PRKAG2: variants seen among roughly 807,000 people sequenced by gnomAD.
PRKAG2 encodes protein kinase AMP-activated non-catalytic subunit gamma 2, also known as 5'-AMP-activated protein kinase subunit gamma-2.
PRKAG2 carries 26 observed loss-of-function variants against 69.6 expected under a neutral mutation model. The observed-to-expected ratio is 0.37, with a 90% confidence interval of 0.27 to 0.52. The LOEUF (loss-of-function observed/expected upper bound fraction) is 0.52. PRKAG2 is among the 20% of genes least tolerant of loss of function. The pLI is 0.90. For synonymous variants in PRKAG2, 293 were observed against 285.0 expected (o/e 1.03, Z -0.28); for missense variants, 557 against 740.0 (o/e 0.75, Z 2.87).
At chr7:151,820,471 G>T (rs2151863430) in intron 1 of PRKAG2, among the ~76,000 whole-genome samples, 1 of 143,270 alleles carries the variant, frequency 7.0e-6, no homozygotes, top group African/African-American at 2.6e-5. Context: ...GCTTCTGCAG[G>T]GCACACTCTA....
Position 151,632,344 on chromosome 7 carries a change from G to A in PRKAG2, c.685-206C>T. 1 of 612,068 alleles carries A rather than the reference G, an allele frequency of 1.6e-6. No homozygotes were observed. Among genetic ancestry groups the A allele is most frequent in the Non-Finnish European group, 2.0e-6 (1 of 491,536 alleles). 37.9% of individuals were successfully genotyped at this position (612,068 alleles called of 1,614,324 possible). A position where few individuals can be genotyped will look rare whatever the true frequency, so the allele number is the denominator to read the frequency against. On this transcript the variant is annotated intron_variant, in intron 4 of 15. Transcript: ENST00000287878. The surrounding 1 kb of genome is among the most constrained non-coding windows in gnomAD (Gnocchi z 4.2). Reference sequence around the variant, plus strand: ...GAGGCCGCCGCCGCCGCCGCAGGTGGCGCGGCCGCGGCCCGCGTGCCCCTC... The same window carrying A: ...GAGGCCGCCGCCGCCGCCGCAGGTGACGCGGCCGCGGCCCGCGTGCCCCTC...
chr7:151,769,524 G>A (rs1052830467), intron 3 of PRKAG2, among the ~76,000 whole-genome samples: 7 of 152,210 alleles, frequency 4.6e-5, no homozygotes, highest in African/African-American at 1.4e-4. Flanking sequence ...GGGTTTGTGG[G>A]CAACTGCCAG....
chr7:151,735,719 G>A (rs183467909), intron 3 of PRKAG2, among the ~76,000 whole-genome samples: 7 of 152,292 alleles, frequency 4.6e-5, no homozygotes, highest in Non-Finnish European at 4.4e-5. Flanking sequence ...GCTCCCCACA[G>A]CAGCACTGCC....
At chr7:151,596,594 CAA>C (rs1814587582) in intron 5 of PRKAG2, among the ~76,000 whole-genome samples, 1 of 151,956 alleles carries the variant, frequency 6.6e-6, no homozygotes, top group African/African-American at 2.4e-5. Context: ...ACTAAAAATA[CAA>C]AAATTAGCTG....
intron 6 of PRKAG2, among the ~76,000 whole-genome samples, chr7:151,589,392 A>T (rs1291656016): frequency 6.6e-6 from 1 of 152,160 alleles, no homozygotes; most frequent in African/African-American, 2.4e-5. Context: ...AACATGGGTC[A>T]CTGAGCCTCA....
At chr7:151,812,312 G>C (rs62478247) in intron 1 of PRKAG2, among the ~76,000 whole-genome samples, 19 of 152,020 alleles carry the variant, frequency 1.2e-4, no homozygotes, top group Non-Finnish European at 1.9e-4. Context: ...TTGTTAGAAG[G>C]GGGTGTGGTG....
chr7:151,565,610 C>T, intron 12 of PRKAG2, 110 bp downstream of exon 12: 1 of 1,451,286 alleles, frequency 6.9e-7, no homozygotes, highest in Non-Finnish European at 9.6e-7. Flanking sequence ...ATTTATTCAC[C>T]ATACCCAAGT....
At chr7:151,688,281 T>G (rs1183805949) in intron 3 of PRKAG2, among the ~76,000 whole-genome samples, 7 of 152,196 alleles carry the variant, frequency 4.6e-5, no homozygotes, top group Non-Finnish European at 7.3e-5. Context: ...TCTGAACATG[T>G]TCTTAGGTCA....
rs918699098 is a variant in PRKAG2 at position 151,699,026 on chromosome 7, G to A, written c.467-23389C>T. Among the ~76,000 whole-genome samples, 7 of 152,152 alleles carry A rather than the reference G, an allele frequency of 4.6e-5. No individual in the cohort carries two copies. Among genetic ancestry groups the A allele is most frequent in the African/African-American group, 1.2e-4 (5 of 41,440 alleles). Reference sequence around the variant, plus strand: ...GTGTAAATGACTGATAGGCTCAAACGGGCCGTGGGAGGGTTTCAGGACAGG... The same window carrying A: ...GTGTAAATGACTGATAGGCTCAAACAGGCCGTGGGAGGGTTTCAGGACAGG... On this transcript the variant is annotated intron_variant, in intron 3 of 15. Transcript: ENST00000287878. This position sits in a 1 kb window ranked among gnomAD's most constrained non-coding sequence, Gnocchi z 4.5.
At position 151,777,430 on chromosome 7, in the gene PRKAG2, G is replaced by C. The variant is rs528626916; in HGVS notation, c.466+3722C>G. Among the ~76,000 whole-genome samples, 8 of 152,284 alleles carry C rather than the reference G, an allele frequency of 5.3e-5. No homozygotes were observed. Among genetic ancestry groups the C allele is most frequent in the Middle Eastern group, 3.4e-3 (1 of 294 alleles). On this transcript the variant is annotated intron_variant, in intron 3 of 15. Coordinates refer to ENST00000287878, the MANE Select transcript of PRKAG2 (RefSeq NM_016203.4). The surrounding 1 kb of genome is among the most constrained non-coding windows in gnomAD (Gnocchi z 4.3). ...GCCCCGTGGGAGGTGTTTGGGTCCT[G>C]GGGGCAGATGCCTCATGAATGGCTG...
At chr7:151,783,909 T>C (rs947971564) in intron 2 of PRKAG2, among the ~76,000 whole-genome samples, 8 of 97,582 alleles carry the variant, frequency 8.2e-5, no homozygotes, top group Non-Finnish European at 9.4e-5. Context: ...CAAGACCCTG[T>C]CTCAAAAAAA....
In PRKAG2 at chr7:151,638,988, C is replaced by T. The variant is rs1421733449; in HGVS notation, c.685-6850G>A. 6.6e-6 allele frequency among the ~76,000 whole-genome samples: 1 copy of T among 152,170 alleles called. No homozygotes were observed. The highest frequency in any genetic ancestry group is 1.5e-5 in the Non-Finnish European group (1 of 68,046). Reference sequence around the variant, plus strand: ...CAAAGAGTAAAGAACGACGTGAAACCCCCTGGATGCTGGACAGGAGCTGCA... The same window carrying T: ...CAAAGAGTAAAGAACGACGTGAAACTCCCTGGATGCTGGACAGGAGCTGCA... On this transcript the variant is annotated intron_variant, in intron 4 of 15. Transcript: ENST00000287878. This position sits in a 1 kb window ranked among gnomAD's most constrained non-coding sequence, Gnocchi z 4.3.
intron 15 of PRKAG2, chr7:151,560,010 T>C: frequency 1.0e-6 from 1 of 985,412 alleles, no homozygotes; most frequent in Non-Finnish European, 1.2e-6. Context: ...TCAAAGTGAA[T>C]CTGTCAAAAA....
chr7:151,628,037 G>C (rs1232564602), intron 5 of PRKAG2, among the ~76,000 whole-genome samples: 1 of 152,096 alleles, frequency 6.6e-6, no homozygotes, highest in East Asian at 1.9e-4. Flanking sequence ...TGAAATAAGC[G>C]GCAAATGAGG....
At chr7:151,851,252 A>C (rs2151895745) in intron 1 of PRKAG2, among the ~76,000 whole-genome samples, 1 of 151,750 alleles carries the variant, frequency 6.6e-6, no homozygotes, top group Middle Eastern at 3.4e-3. Context: ...CCGGAACTGG[A>C]GTGAGCTTTC....
At position 151,657,147 on chromosome 7, in the gene PRKAG2, AG is replaced by A. The variant is rs531530768; in HGVS notation, c.684+18272del. ...GTGAGACTCCATCTCAAAAAAAAAAAGGGGGGGTGGTTATTCATCAGCTGTT... is the reference window on the plus strand; with the variant it reads ...GTGAGACTCCATCTCAAAAAAAAAAAGGGGGGTGGTTATTCATCAGCTGTT... On this transcript the variant is annotated intron_variant, in intron 4 of 15. Coordinates refer to ENST00000287878, the MANE Select transcript of PRKAG2 (RefSeq NM_016203.4). 5.9e-3 allele frequency among the ~76,000 whole-genome samples: 768 copies of A among 130,002 alleles called. 4 individuals are homozygous for A. The highest frequency in any genetic ancestry group is 0.021 in the African/African-American group (737 of 35,152). The allele number at this position is 130,002 out of a possible 152,430, so 85.3% of individuals were successfully genotyped here. A position where few individuals can be genotyped will look rare whatever the true frequency, so the allele number is the denominator to read the frequency against.
At chr7:151,559,824 C>T in intron 15 of PRKAG2, 3 of 984,956 alleles carry the variant, frequency 3.0e-6, no homozygotes, top group Non-Finnish European at 2.4e-6. Context: ...TTGACTGGGG[C>T]TGGGGAGGTG....
At chr7:151,805,515 T>C (rs899088808) in intron 1 of PRKAG2, among the ~76,000 whole-genome samples, 7 of 152,210 alleles carry the variant, frequency 4.6e-5, no homozygotes, top group African/African-American at 1.7e-4. Flanking sequence ...TAGCAATAGG[T>C]GATCTTGTGA....
At chr7:151,694,851 C>A (rs1378355264) in intron 3 of PRKAG2, among the ~76,000 whole-genome samples, 1 of 152,196 alleles carries the variant, frequency 6.6e-6, no homozygotes, top group East Asian at 1.9e-4. Context: ...ACACCGAGGG[C>A]CAGAGCAAGG....
Sources: allele counts gnomAD v4.1 joint callset (sites outside exome capture counted in the v4.1 genomes callset), GRCh38; gene constraint gnomAD v4.1.1; non-coding constraint Gnocchi (gnomAD v3.1); transcripts MANE v1.5; gene names NCBI Gene and HGNC (gene_info 2026-07-23, HGNC 2026-07-21).